Variants in KLHL11 observed in about 807,000 individuals in gnomAD.
The protein encoded by KLHL11 is kelch like family member 11.
In KLHL11, 26 loss-of-function variants were observed where a neutral mutation model predicts 56.1. The ratio of observed to expected loss-of-function variants is 0.46; its 90% CI spans 0.34 to 0.64. The LOEUF is 0.64. KLHL11 is among the 30% of genes least tolerant of loss of function. The pLI, the probability that KLHL11 is intolerant of heterozygous loss-of-function variation, is 0.01. For missense variants in KLHL11, 627 were observed against 919.4 expected (o/e 0.68, Z 4.11); for synonymous variants, 338 against 345.8 (o/e 0.98, Z 0.25).
chr17:41,855,138 C>T lies in KLHL11; in HGVS notation c.729G>A (p.Thr243=), dbSNP rs781901873. ...AGTCTCTAATGAGATGGAAAGGTAA[C>T]GTATAAAATTCTTCATCCTGAATCA... ...HKVIQDEEFY[T]LPFHLIRDWL... Residue 243 remains threonine (T), a synonymous_variant, in exon 2 of 2, where the codon ACG becomes ACA. Coordinates refer to ENST00000319121, the MANE Select transcript of KLHL11 (RefSeq NM_018143.3). The T allele has an allele frequency of 1.1e-5, 17 of 1,613,914 alleles. No individual in the cohort carries two copies. Among genetic ancestry groups the T allele is most frequent in the Middle Eastern group, 1.6e-4 (1 of 6,062 alleles).
rs144759750 is a variant in KLHL11 at position 41,860,403 on chromosome 17, G to T, written c.545+4423C>A. ...AGACATATGTACTTAGGGGTTTTGG[G>T]GGGGGTGGGGGCGGGTCCTGCCTCA... is the stretch of plus-strand genomic sequence containing the variant. On this transcript the variant is annotated intron_variant, in intron 1 of 1. Coordinates refer to ENST00000319121, the MANE Select transcript of KLHL11 (RefSeq NM_018143.3). 4.3e-3 allele frequency among the ~76,000 whole-genome samples: 659 copies of T among 151,814 alleles called. 3 individuals carry two copies. The highest frequency in any genetic ancestry group is 0.015 in the African/African-American group (633 of 41,272).
chr17:41,854,197 T>C lies in KLHL11; in HGVS notation c.1670A>G (p.Asn557Ser), dbSNP rs781961292. Residue 557 changes from asparagine to serine, a missense_variant, in exon 2 of 2, where the codon AAC becomes AGC. Coordinates refer to ENST00000319121, the MANE Select transcript of KLHL11 (RefSeq NM_018143.3). This position sits in a 1 kb window ranked among gnomAD's most constrained non-coding sequence, Gnocchi z 4.9. ...ACAACATGATGCTGTCTGATAAAAG[T>C]TTGAATTGACCACAGACATTTGGAA... ...CFFQMSVVNS[N>S]FYQTASCCPK... 1 of 1,614,174 alleles carries C rather than the reference T, an allele frequency of 6.2e-7. No individual in the cohort carries two copies. The highest frequency in any genetic ancestry group is 1.1e-5 in the South Asian group (1 of 91,082).
chr17:41,860,519 GAAGTT>G (rs1319589353), intron 1 of KLHL11, among the ~76,000 whole-genome samples: 1 of 152,122 alleles, frequency 6.6e-6, no homozygotes, highest in Non-Finnish European at 1.5e-5. Context: ...CAGATGGAGA[GAAGTT>G]AAGAGTTTTT....
chr17:41,859,063 C>A (rs1412282159), intron 1 of KLHL11, among the ~76,000 whole-genome samples: 2 of 152,120 alleles, frequency 1.3e-5, no homozygotes, highest in African/African-American at 4.8e-5. Context: ...ATCATAGATT[C>A]AAGTTGCCCT....
rs1321929573 is a variant in KLHL11, at chr17:41,865,387, C to T, written c.-17G>A. The T allele has an allele frequency of 1.5e-6, 2 of 1,355,420 alleles. No homozygotes were observed. The highest frequency in any genetic ancestry group is 9.6e-7 in the Non-Finnish European group (1 of 1,039,180). 84.0% of individuals were successfully genotyped at this position (1,355,420 alleles called of 1,614,324 possible). ...AGCCGCCATCTTGACGCCGCTGCGC[C>T]CGGCCTCCACAGCCTCGGAACGATG... On this transcript the variant is annotated 5_prime_UTR_variant, in exon 1 of 2. Coordinates refer to ENST00000319121, the MANE Select transcript of KLHL11 (RefSeq NM_018143.3).
chr17:41,863,073 C>T (rs1280833049), intron 1 of KLHL11, among the ~76,000 whole-genome samples: 1 of 152,124 alleles, frequency 6.6e-6, no homozygotes, highest in African/African-American at 2.4e-5. Context: ...CAGTTCTCAT[C>T]ACCTTTACTT....
At chr17:41,862,616 A>G (rs1221740671) in intron 1 of KLHL11, among the ~76,000 whole-genome samples, 1 of 151,706 alleles carries the variant, frequency 6.6e-6, no homozygotes, top group African/African-American at 2.4e-5. Context: ...GGGTTTCATC[A>G]TGTTGGCCAG....
chr17:41,855,241 T>A lies in KLHL11; in HGVS notation c.626A>T (p.His209Leu). Residue 209 changes from histidine (H) to leucine (L), a missense_variant, in exon 2 of 2, where the codon CAT becomes CTT. His to Leu is a moderately conservative substitution (Grantham distance 99). Around this residue, in one of 4 missense-constraint regions of KLHL11, gnomAD observed 150 missense variants for 215.7 expected, o/e 0.70. Transcript: ENST00000319121. The part of the protein sequence containing the change: ...KLHLSNCVAI[H>L]SLAHMYTLSQ... ...CAGGGTGTACATGTGTGCTAAGCTA[T>A]GAATTGCCACACAATTTGAGAGATG... is the stretch of plus-strand genomic sequence containing the variant. 1.2e-6 allele frequency: 2 copies of A among 1,612,130 alleles called. No homozygotes were observed. The highest frequency in any genetic ancestry group is 8.5e-7 in the Non-Finnish European group (1 of 1,179,222).
rs879983855 is a variant in KLHL11 at position 41,853,524 on chromosome 17, C to A, written c.*216G>T. On this transcript the variant is annotated 3_prime_UTR_variant, in exon 2 of 2. Transcript: ENST00000319121. ...TAAGATCTTATTTAGCTAGCACAAA[C>A]AAACAAACCAAAGACAAAAATTGCA... The A allele has an allele frequency of 2.0e-6, 1 of 501,626 alleles. No homozygotes were observed. 31.1% of individuals were successfully genotyped at this position (501,626 alleles called of 1,614,324 possible). A position where few individuals can be genotyped will look rare whatever the true frequency, so the allele number is the denominator to read the frequency against.
At position 41,852,344 on chromosome 17, in the gene KLHL11, T is replaced by C. The variant is rs1032257550; in HGVS notation, c.*1396A>G. 9.2e-5 allele frequency among the ~76,000 whole-genome samples: 14 copies of C among 151,998 alleles called. No individual in the cohort carries two copies. Among genetic ancestry groups the C allele is most frequent in the African/African-American group, 3.4e-4 (14 of 41,408 alleles). On this transcript the variant is annotated 3_prime_UTR_variant, in exon 2 of 2. Coordinates refer to ENST00000319121, the MANE Select transcript of KLHL11 (RefSeq NM_018143.3). The stretch of plus-strand genomic sequence containing the variant: ...TAAACCTTTAAAAGCCAAAATTATG[T>C]ACCCAAATTTGGTATCCTAGGCTCA...
At chr17:41,856,685 C>A (rs949342637) in intron 1 of KLHL11, among the ~76,000 whole-genome samples, 10 of 147,696 alleles carry the variant, frequency 6.8e-5, no homozygotes, top group Non-Finnish European at 1.5e-4. Flanking sequence ...GAGTTCAAGA[C>A]CAGCCTGGGA....
Position 41,865,364 on chromosome 17 carries a change from C to T in KLHL11, c.7G>A (p.Ala3Thr), listed in dbSNP as rs782413623. The T allele has an allele frequency of 4.9e-6, 7 of 1,434,574 alleles. No homozygotes were observed. The highest frequency in any genetic ancestry group is 2.9e-5 in the South Asian group (2 of 68,774). 88.9% of individuals were successfully genotyped at this position (1,434,574 alleles called of 1,614,324 possible). A position where few individuals can be genotyped will look rare whatever the true frequency, so the allele number is the denominator to read the frequency against. The change falls in exon 1 of 2, where the codon GCT becomes ACT. Residue 3 changes from alanine (A) to threonine (T), a missense_variant. Physicochemically the swap from Ala to Thr is moderately conservative, Grantham distance 58. Around this residue, in one of 4 missense-constraint regions of KLHL11, gnomAD observed 121 missense variants for 116.2 expected, o/e 1.04. Transcript: ENST00000319121. Reference sequence around the variant, plus strand: ...GCCGCCGCCGCCGCCACTGCCGCAGCCGCCATCTTGACGCCGCTGCGCCCG... The same window carrying T: ...GCCGCCGCCGCCGCCACTGCCGCAGTCGCCATCTTGACGCCGCTGCGCCCG... MAAAAVAAAAAAA... is the reference protein window; with the variant it reads MATAAVAAAAAAA...
intron 1 of KLHL11, among the ~76,000 whole-genome samples, chr17:41,861,289 T>C (rs1023261619): frequency 2.0e-5 from 3 of 152,232 alleles, no homozygotes; most frequent in East Asian, 3.8e-4. Context: ...CAGGATGGTA[T>C]AAAAACTTCA....
Position 41,850,067 on chromosome 17 carries a change from A to G in KLHL11, c.*3673T>C, listed in dbSNP as rs1388679903. ...TCATCAAAAAGGAAATTTCTTTCCC[A>G]AGGAGCTATTTTAGGCCTGATCCTT... On this transcript the variant is annotated 3_prime_UTR_variant, in exon 2 of 2. Transcript: ENST00000319121. The G allele has an allele frequency of 6.6e-6, 1 of 152,222 alleles. No individual in the cohort carries two copies. Among genetic ancestry groups the G allele is most frequent in the Non-Finnish European group, 1.5e-5 (1 of 68,032 alleles). The allele number at this position is 152,222 out of a possible 1,614,324, so 9.4% of individuals were successfully genotyped here.
chr17:41,858,463 GCT>G (rs1369462234), intron 1 of KLHL11, among the ~76,000 whole-genome samples: 4 of 147,948 alleles, frequency 2.7e-5, no homozygotes, highest in Non-Finnish European at 6.0e-5. Flanking sequence ...ATGGAGTTTC[GCT>G]CTTATTGCCC....
rs1338999807 is a variant in KLHL11, at chr17:41,849,445, A to G, written c.*4295T>C. ...AAACATACCACATGCTACACTAGTC[A>G]AGAGGTAAGGAGGAAAAGTGAGCCC... On this transcript the variant is annotated 3_prime_UTR_variant, in exon 2 of 2. Transcript: ENST00000319121. 4.6e-5 allele frequency: 7 copies of G among 152,332 alleles called. No individual in the cohort carries two copies. The highest frequency in any genetic ancestry group is 1.7e-4 in the African/African-American group (7 of 41,582). The allele number at this position is 152,332 out of a possible 1,614,324, so 9.4% of individuals were successfully genotyped here.
chr17:41,854,256 C>T lies in KLHL11; in HGVS notation c.1611G>A (p.Val537=). 3 of 1,614,140 alleles carry T rather than the reference C, an allele frequency of 1.9e-6. No individual in the cohort carries two copies. Among genetic ancestry groups the T allele is most frequent in the Non-Finnish European group, 2.5e-6 (3 of 1,180,024 alleles). Reference sequence around the variant, plus strand: ...AATTGTCAATAAGCGGCAAAGATTCCACATCTTGCCACTGTCGAGTCTCTG... The same window carrying T: ...AATTGTCAATAAGCGGCAAAGATTCTACATCTTGCCACTGTCGAGTCTCTG... ...YDTETRQWQD[V]ESLPLIDNYC... The change falls in exon 2 of 2, where the codon GTG becomes GTA. Residue 537 remains valine (V), a synonymous_variant. Coordinates refer to ENST00000319121, the MANE Select transcript of KLHL11 (RefSeq NM_018143.3). This position sits in a 1 kb window ranked among gnomAD's most constrained non-coding sequence, Gnocchi z 4.9.
In KLHL11 at chr17:41,864,470, C is replaced by T. The variant is rs930855857; in HGVS notation, c.545+356G>A. Among the ~76,000 whole-genome samples the T allele has an allele frequency of 2.0e-5, 3 of 152,370 alleles. No individual in the cohort carries two copies. In the East Asian group the frequency reaches 5.8e-4, roughly 29 times the overall value. On this transcript the variant is annotated intron_variant, in intron 1 of 1. Coordinates refer to ENST00000319121, the MANE Select transcript of KLHL11 (RefSeq NM_018143.3). ...GCACGGTCAGTTATTTTTTGACATT[C>T]AGAGGTCGATCTAAACTTCACCTCT...
rs782423316 is a variant in KLHL11, at chr17:41,851,599, CAAAAAAA to C, written c.*2134_*2140del. The stretch of plus-strand genomic sequence containing the variant: ...CCAGGGCGACAAAGCGTGACTGTTT[CAAAAAAA>C]AAAAAAAAAGTTATTTTGAGGCCGG... On this transcript the variant is annotated 3_prime_UTR_variant, in exon 2 of 2. Coordinates refer to ENST00000319121, the MANE Select transcript of KLHL11 (RefSeq NM_018143.3). Among the ~76,000 whole-genome samples, 1 of 123,606 alleles carries C rather than the reference CAAAAAAA, an allele frequency of 8.1e-6. No individual in the cohort carries two copies. Among genetic ancestry groups the C allele is most frequent in the Non-Finnish European group, 1.7e-5 (1 of 57,176 alleles). The allele number at this position is 123,606 out of a possible 152,430, so 81.1% of individuals were successfully genotyped here.
Sources: gnomAD v4.1 joint callset for allele counts (sites outside exome capture counted in the v4.1 genomes callset) on GRCh38, gnomAD v4.1.1 for gene constraint, gnomAD v4.1.1 regional missense constraint, Gnocchi (gnomAD v3.1) non-coding constraint, MANE v1.5 for transcripts, NCBI Gene and HGNC (gene_info 2026-07-23, HGNC 2026-07-21) for gene names.